The following NMNAT1 variants were observed in gnomAD, a reference collection of about 807,000 sequenced individuals.
NMNAT1 encodes the protein nicotinamide/nicotinic acid mononucleotide adenylyltransferase 1.
NMNAT1 carries 11 observed loss-of-function variants against 16.7 expected under a neutral mutation model. The observed-to-expected ratio is 0.66, with a 90% CI of 0.41 to 1.09. NMNAT1 has a LOEUF of 1.09. Ranked by LOEUF, NMNAT1 falls within the 50% of genes least tolerant of loss-of-function variation. The pLI is 0.00. For missense variants in NMNAT1, 280 were observed against 332.3 expected (o/e 0.84, Z 1.22); for synonymous variants, 110 against 119.8 (o/e 0.92, Z 0.53).
chr1:9,951,465 G>T (rs6691691), intron 1 of NMNAT1, among the ~76,000 whole-genome samples: 3,716 of 87,604 alleles, frequency 0.042, 138 homozygotes, highest in African/African-American at 0.1. Context: ...GTTTTTTTTT[G>T]TTGTTGTTGT....
intron 1 of NMNAT1, among the ~76,000 whole-genome samples, chr1:9,970,229 T>C (rs1167041471): frequency 6.6e-6 from 1 of 152,042 alleles, no homozygotes; most frequent in Non-Finnish European, 1.5e-5. Context: ...AATGGCATTA[T>C]AAGCACATAA....
chr1:9,992,282 C>T, the NMNAT1 span, among the ~76,000 whole-genome samples: 2 of 151,900 alleles, frequency 1.3e-5, no homozygotes, highest in East Asian at 3.9e-4. Context: ...AGGACATTGC[C>T]ATCTTGCCCA....
At chr1:9,952,124 C>G (rs1245363298) in intron 1 of NMNAT1, among the ~76,000 whole-genome samples, 2 of 151,834 alleles carry the variant, frequency 1.3e-5, no homozygotes, top group South Asian at 2.1e-4. Flanking sequence ...CAGTGAAACC[C>G]CATCTCTACT....
In NMNAT1 at chr1:9,984,794, C is replaced by T. The variant is rs1013013476; in HGVS notation, c.*2093C>T. On this transcript the variant is annotated 3_prime_UTR_variant, in exon 5 of 5. Coordinates refer to ENST00000377205, the MANE Select transcript of NMNAT1 (RefSeq NM_022787.4). ...GCATCTTCATTCGGATGATGGAGAG[C>T]CTTTGTGGTAGTGTTTGCTTATGTG... 6.6e-6 allele frequency: 1 copy of T among 152,068 alleles called. No individual in the cohort carries two copies. Among genetic ancestry groups the T allele is most frequent in the Non-Finnish European group, 1.5e-5 (1 of 68,028 alleles). The allele number at this position is 152,068 out of a possible 1,614,324, so 9.4% of individuals were successfully genotyped here. A position where few individuals can be genotyped will look rare whatever the true frequency, so the allele number is the denominator to read the frequency against.
chr1:9,944,555 G>T (rs775057378), intron 1 of NMNAT1, among the ~76,000 whole-genome samples: 3 of 151,988 alleles, frequency 2.0e-5, no homozygotes, highest in African/African-American at 4.8e-5. Context: ...GAGCTGTGTT[G>T]CCCAGGCTGG....
At chr1:9,948,719 A>G (rs1641035750) in intron 1 of NMNAT1, among the ~76,000 whole-genome samples, 2 of 150,430 alleles carry the variant, frequency 1.3e-5, no homozygotes, top group Non-Finnish European at 3.0e-5. Context: ...GCCCCATCTC[A>G]GCTCACTGCA....
intron 1 of NMNAT1, among the ~76,000 whole-genome samples, chr1:9,966,232 G>A (rs1641539369): frequency 6.6e-6 from 1 of 152,134 alleles, no homozygotes; most frequent in Admixed American, 6.6e-5. Context: ...CTGGGAGGCA[G>A]AGGCTGCAGT....
chr1:9,975,121 C>T (rs571398153), intron 2 of NMNAT1, among the ~76,000 whole-genome samples: 201 of 152,230 alleles, frequency 1.3e-3, no homozygotes, highest in Middle Eastern at 3.4e-3. Flanking sequence ...TAGAACTGTA[C>T]GCTTGGGTAT....
At chr1:9,993,337 G>A in the NMNAT1 span, among the ~76,000 whole-genome samples, 1 of 152,014 alleles carries the variant, frequency 6.6e-6, no homozygotes, top group Non-Finnish European at 1.5e-5. Context: ...AAATTGGCCG[G>A]GTGTAGTGGC....
At chr1:9,991,547 T>G in the NMNAT1 span, among the ~76,000 whole-genome samples, 1 of 152,146 alleles carries the variant, frequency 6.6e-6, no homozygotes, top group African/African-American at 2.4e-5. Flanking sequence ...GGCTTCTCAA[T>G]GAAAATGGCA....
chr1:9,947,374 TC>T (rs778492379), intron 1 of NMNAT1: 143 of 152,970 alleles, frequency 9.3e-4, no homozygotes, highest in Non-Finnish European at 1.6e-3. Context: ...CCAGGGTTGA[TC>T]CGGCTGATCT....
chr1:9,958,858 G>A (rs1385400863), intron 1 of NMNAT1, among the ~76,000 whole-genome samples: 2 of 152,130 alleles, frequency 1.3e-5, no homozygotes, highest in Non-Finnish European at 2.9e-5. Flanking sequence ...GTAGACAAAT[G>A]TGTCAAACAT....
chr1:9,980,774 A>C (rs1160122060), intron 3 of NMNAT1, among the ~76,000 whole-genome samples: 1 of 150,770 alleles, frequency 6.6e-6, no homozygotes, highest in African/African-American at 2.4e-5. Flanking sequence ...CTCCTGCCTC[A>C]GCCTCCCGAG....
intron 1 of NMNAT1, among the ~76,000 whole-genome samples, chr1:9,962,871 CAG>C (rs1178796321): frequency 1.3e-5 from 2 of 151,990 alleles, no homozygotes; most frequent in East Asian, 3.9e-4. Flanking sequence ...TTAGTAGAGA[CAG>C]GGTTTCACCG....
Position 9,984,082 on chromosome 1 carries a change from C to G in NMNAT1, c.*1381C>G, listed in dbSNP as rs370078746. 1.3e-5 allele frequency: 2 copies of G among 152,436 alleles called. No individual in the cohort carries two copies. The highest frequency in any genetic ancestry group is 2.1e-4 in the South Asian group (1 of 4,822). The allele number at this position is 152,436 out of a possible 1,614,324, so 9.4% of individuals were successfully genotyped here. On this transcript the variant is annotated 3_prime_UTR_variant, in exon 5 of 5. Coordinates refer to ENST00000377205, the MANE Select transcript of NMNAT1 (RefSeq NM_022787.4). ...TTTGTTTTTGAGATGGAGTCTCACT[C>G]TGTCTCCCAGGCTGGAGTGCAGTGG...
intron 2 of NMNAT1, among the ~76,000 whole-genome samples, chr1:9,972,684 A>G (rs1415777325): frequency 1.3e-5 from 2 of 151,734 alleles, no homozygotes; most frequent in Admixed American, 6.6e-5. Context: ...ACAGCCAGGT[A>G]CAGTGGCTCA....
the NMNAT1 span, among the ~76,000 whole-genome samples, chr1:9,990,569 C>G: frequency 6.6e-6 from 1 of 152,194 alleles, no homozygotes; most frequent in African/African-American, 2.4e-5. Flanking sequence ...TAATCCAGGT[C>G]TACCTTCAGG....
intron 1 of NMNAT1, among the ~76,000 whole-genome samples, chr1:9,958,234 A>G (rs2101658929): frequency 6.6e-6 from 1 of 152,276 alleles, no homozygotes; most frequent in Non-Finnish European, 1.5e-5. Context: ...TTTGGTGATA[A>G]TGTTACATTT....
chr1:9,973,158 C>A (rs1281263148), intron 2 of NMNAT1, among the ~76,000 whole-genome samples: 2 of 151,964 alleles, frequency 1.3e-5, no homozygotes, highest in South Asian at 4.1e-4. Context: ...CTCTTGTTGC[C>A]CAGGCTGGAG....
Sources: gnomAD v4.1 joint callset for allele counts (sites outside exome capture counted in the v4.1 genomes callset) on GRCh38, gnomAD v4.1.1 for gene constraint, MANE v1.5 for transcripts, NCBI Gene and HGNC (gene_info 2026-07-23, HGNC 2026-07-21) for gene names.